KAT6B: variants seen among roughly 807,000 people sequenced by gnomAD.
KAT6B encodes lysine acetyltransferase 6B, also known as histone acetyltransferase KAT6B.
A neutral mutation model predicts 187.5 loss-of-function variants in KAT6B; 10 were observed. That is an observed-to-expected ratio of 0.05 (90% CI 0.03 to 0.09). The LOEUF (loss-of-function observed/expected upper bound fraction) is 0.09. Ranked by LOEUF, KAT6B falls within the 10% of genes least tolerant of loss-of-function variation. The pLI is 1.00. For synonymous variants in KAT6B, 861 were observed against 926.8 expected, an observed-to-expected ratio of 0.93 and a Z score of 1.29; for missense variants, 1,952 against 2,558.9, an observed-to-expected ratio of 0.76 and a Z score of 5.12.
chr10:74,940,044 A>G lies in KAT6B; in HGVS notation c.622-19926A>G, dbSNP rs534107520. Among the ~76,000 whole-genome samples the G allele has an allele frequency of 2.6e-5, 4 of 152,240 alleles. No homozygotes were observed. In the East Asian group the frequency reaches 7.7e-4, roughly 29 times the overall value. ...TTATTTGTGTGTGTGTGTCGGGGCT[A>G]TTAATGAAAGTGTCTTAATGAATCT... On this transcript the variant is annotated intron_variant, in intron 3 of 17. Coordinates refer to ENST00000287239, the MANE Select transcript of KAT6B (RefSeq NM_012330.4).
chr10:74,886,531 A>T (rs1048550023), intron 3 of KAT6B, among the ~76,000 whole-genome samples: 3 of 152,214 alleles, frequency 2.0e-5, no homozygotes, highest in African/African-American at 7.2e-5. Flanking sequence ...TAAAAGCCAC[A>T]GCAAAGATTC....
chr10:75,018,785 C>T (rs1412052615), intron 13 of KAT6B, among the ~76,000 whole-genome samples: 1 of 152,242 alleles, frequency 6.6e-6, no homozygotes, highest in Admixed American at 6.5e-5. Context: ...AGTAGAGGAC[C>T]TGGGGACTTT....
intron 6 of KAT6B, among the ~76,000 whole-genome samples, chr10:74,970,936 T>TC (rs1841808749): frequency 2.6e-5 from 4 of 152,152 alleles, no homozygotes; most frequent in African/African-American, 7.2e-5. Context: ...TAGAACTCCA[T>TC]AGTATAGAGC....
intron 3 of KAT6B, among the ~76,000 whole-genome samples, chr10:74,846,850 C>T (rs1842142958): frequency 6.6e-6 from 1 of 152,196 alleles, no homozygotes; most frequent in Non-Finnish European, 1.5e-5. Flanking sequence ...GTACACTACC[C>T]TAAGGTATGT....
intron 3 of KAT6B, among the ~76,000 whole-genome samples, chr10:74,957,057 C>A (rs546213532): frequency 6.1e-4 from 93 of 152,168 alleles, no homozygotes; most frequent in Non-Finnish European, 9.3e-4. Context: ...TTTACTCAGA[C>A]CTTTTTCTGA....
chr10:74,924,098 A>G (rs1564566713), intron 3 of KAT6B, among the ~76,000 whole-genome samples: 1 of 152,176 alleles, frequency 6.6e-6, no homozygotes, highest in Non-Finnish European at 1.5e-5. Context: ...GGAAGGATGG[A>G]GTTATCTATC....
chr10:75,025,468 C>G (rs1039532864), intron 17 of KAT6B: 17 of 512,412 alleles, frequency 3.3e-5, no homozygotes, highest in Non-Finnish European at 5.2e-5. Context: ...CAGAACATTC[C>G]TCTAGGTGGG....
At chr10:74,943,047 T>C (rs1849810216) in intron 3 of KAT6B, among the ~76,000 whole-genome samples, 1 of 152,150 alleles carries the variant, frequency 6.6e-6, no homozygotes, top group Non-Finnish European at 1.5e-5. Context: ...ACTAATAGTG[T>C]CTCTAGTTTT....
intron 8 of KAT6B, 90 bp downstream of exon 8, chr10:74,976,420 T>A: frequency 3.0e-6 from 3 of 1,012,040 alleles, no homozygotes; most frequent in Non-Finnish European, 4.6e-6. Context: ...TTCCTATTTG[T>A]CACATAGGTC....
In KAT6B at chr10:75,029,175, G is replaced by A. The variant is rs370857573; in HGVS notation, c.4351G>A (p.Glu1451Lys). 1 of 1,614,030 alleles carries A rather than the reference G, an allele frequency of 6.2e-7. No homozygotes were observed. Among genetic ancestry groups the A allele is most frequent in the African/African-American group, 1.3e-5 (1 of 74,884 alleles). ...AGAGCTGCCCAGAGAAAGCTTCAAA[G>A]AAGTACTGGAAAACCAGGAGACTTT... The part of the protein sequence containing the change: ...KEELPRESFK[E>K]VLENQETFLD... The change falls in exon 18 of 18, where the codon GAA (glutamate) becomes AAA (lysine). Residue 1451 changes from glutamate (E) to lysine (K), a missense_variant. Glu to Lys is a moderately conservative substitution (Grantham distance 56, BLOSUM62 1). Transcript: ENST00000287239. The surrounding 1 kb of genome is among the most constrained non-coding windows in gnomAD (Gnocchi z 6.2).
At chr10:74,908,871 T>A (rs1180481956) in intron 3 of KAT6B, among the ~76,000 whole-genome samples, 1 of 152,186 alleles carries the variant, frequency 6.6e-6, no homozygotes, top group Non-Finnish European at 1.5e-5. Flanking sequence ...GAGACTTGCT[T>A]ACTGCAAGCC....
In KAT6B at chr10:74,932,890, G is replaced by A. The variant is rs1039613844; in HGVS notation, c.622-27080G>A. On this transcript the variant is annotated intron_variant, in intron 3 of 17. Transcript: ENST00000287239. The stretch of plus-strand genomic sequence containing the variant: ...GCTTCAAAAGAGCCTGAATCAGTGA[G>A]TTGCTTACACCAGGGAGAACAAACA... 2.6e-5 allele frequency among the ~76,000 whole-genome samples: 4 copies of A among 152,174 alleles called. No individual in the cohort carries two copies. The East Asian group carries it at 7.7e-4, about 29-fold the overall frequency.
At chr10:74,935,905 G>A (rs182391225) in intron 3 of KAT6B, among the ~76,000 whole-genome samples, 1 of 152,278 alleles carries the variant, frequency 6.6e-6, no homozygotes, top group African/African-American at 2.4e-5. Flanking sequence ...TTTTTAAAAG[G>A]ATAGTGTGAG....
In KAT6B at chr10:74,976,115, T is replaced by A; in HGVS notation, c.1778T>A (p.Ile593Asn). The change falls in exon 8 of 18, where the codon ATT (isoleucine) becomes AAT (asparagine). Residue 593 changes from isoleucine to asparagine, a missense_variant. This residue lies in a region of KAT6B where 417 missense variants were observed against 508.9 expected (regional missense o/e 0.82). Coordinates refer to ENST00000287239, the MANE Select transcript of KAT6B (RefSeq NM_012330.4). ...GCCCACTTCTTTGGCAAAAGAGATA[T>A]TAGAAGTCGGTTTATTTCTCACTCC... ...SKAHFFGKRDIRSRFISHSSS... is the reference protein window; with the variant it reads ...SKAHFFGKRDNRSRFISHSSS... The A allele has an allele frequency of 6.2e-7, 1 of 1,614,224 alleles. No individual in the cohort carries two copies. The highest frequency in any genetic ancestry group is 2.2e-5 in the East Asian group (1 of 44,888).
chr10:74,999,454 C>T (rs1225605003), intron 13 of KAT6B, among the ~76,000 whole-genome samples: 1 of 151,994 alleles, frequency 6.6e-6, no homozygotes, highest in African/African-American at 2.4e-5. Context: ...GGAAACAGGG[C>T]TGAGGGTGGA....
intron 7 of KAT6B, among the ~76,000 whole-genome samples, chr10:74,974,982 T>G (rs879436911): frequency 7.2e-5 from 11 of 152,356 alleles, no homozygotes; most frequent in East Asian, 1.9e-4. Flanking sequence ...TAGATAAGCT[T>G]CTTCTTTTGC....
At chr10:74,882,753 A>G (rs1589542378) in intron 3 of KAT6B, among the ~76,000 whole-genome samples, 1 of 152,256 alleles carries the variant, frequency 6.6e-6, no homozygotes, top group East Asian at 1.9e-4. Context: ...TGTGTCAGTA[A>G]GGAAATTCTA....
intron 3 of KAT6B, among the ~76,000 whole-genome samples, chr10:74,928,281 A>G (rs1004687370): frequency 6.6e-6 from 1 of 152,188 alleles, no homozygotes; most frequent in African/African-American, 2.4e-5. Flanking sequence ...TAATTTTTTG[A>G]AAGTCTCTTA....
At chr10:74,865,896 A>G (rs1030700137) in intron 3 of KAT6B, among the ~76,000 whole-genome samples, 2 of 152,194 alleles carry the variant, frequency 1.3e-5, no homozygotes, top group African/African-American at 4.8e-5. Flanking sequence ...CATGGAAAAC[A>G]GTACAGTTGA....
Sources: allele counts gnomAD v4.1 joint callset (sites outside exome capture counted in the v4.1 genomes callset), GRCh38; gene constraint gnomAD v4.1.1; regional missense constraint gnomAD v4.1.1; non-coding constraint Gnocchi (gnomAD v3.1); transcripts MANE v1.5; gene names NCBI Gene and HGNC (gene_info 2026-07-23, HGNC 2026-07-21).